Variants in CNTN4 observed in about 807,000 individuals in gnomAD.
CNTN4 encodes the protein contactin 4, also known as contactin-4.
CNTN4 carries 77 observed loss-of-function variants against 122.5 expected under a neutral mutation model. That is an observed-to-expected ratio of 0.63 (90% CI 0.52 to 0.76). The LOEUF is 0.76. CNTN4 is among the 30% of genes least tolerant of loss of function. CNTN4 has a pLI of 0.00. For synonymous variants in CNTN4, 512 were observed against 447.0 expected, an observed-to-expected ratio of 1.15 and a Z score of -1.83; for missense variants, 1,256 against 1,259.1, an observed-to-expected ratio of 1.00 and a Z score of 0.04.
At chr3:2,199,400 G>T (rs148275173) in intron 2 of CNTN4, among the ~76,000 whole-genome samples, 1 of 151,608 alleles carries the variant, frequency 6.6e-6, no homozygotes, top group Non-Finnish European at 1.5e-5. Flanking sequence ...AGATCCCTCC[G>T]TACCTTCTCT....
intron 4 of CNTN4, among the ~76,000 whole-genome samples, chr3:2,649,199 A>G (rs912090730): frequency 6.6e-6 from 1 of 152,208 alleles, no homozygotes; most frequent in Non-Finnish European, 1.5e-5. Flanking sequence ...AGATCTAGCT[A>G]AGATAATTAA....
chr3:3,005,961 C>A (rs190522509), intron 14 of CNTN4, among the ~76,000 whole-genome samples: 1 of 151,272 alleles, frequency 6.6e-6, no homozygotes, highest in East Asian at 1.9e-4. Flanking sequence ...TCTCGGCTCA[C>A]TGCCAGCTCT....
rs569113861 is a variant in CNTN4 at position 2,309,514 on chromosome 3, T to C, written c.-144-29664T>C. Among the ~76,000 whole-genome samples, 19 of 152,268 alleles carry C rather than the reference T, an allele frequency of 1.2e-4. No homozygotes were observed. In the East Asian group the frequency reaches 3.7e-3, roughly 29 times the overall value. ...TCCTACTTGTTTTTTATATGACTTA[T>C]TTCTTTTTGTTTGCGACTCTTGTTT... On this transcript the variant is annotated intron_variant, in intron 2 of 24. Coordinates refer to ENST00000418658, the MANE Select transcript of CNTN4 (RefSeq NM_175607.3).
intron 13 of CNTN4, among the ~76,000 whole-genome samples, chr3:2,970,020 A>G (rs1211269437): frequency 6.6e-6 from 1 of 152,164 alleles, no homozygotes; most frequent in Admixed American, 6.5e-5. Flanking sequence ...CACAGAAAGA[A>G]ATTCACATAT....
chr3:2,298,021 C>T (rs138359899), intron 2 of CNTN4, among the ~76,000 whole-genome samples: 305 of 152,262 alleles, frequency 2.0e-3, no homozygotes, highest in African/African-American at 7.0e-3. Flanking sequence ...TGTGAGCCAG[C>T]GTGCCTGGTC....
At chr3:2,952,219 T>C (rs2094753035) in intron 13 of CNTN4, among the ~76,000 whole-genome samples, 1 of 152,226 alleles carries the variant, frequency 6.6e-6, no homozygotes, top group African/African-American at 2.4e-5. Flanking sequence ...GTTTCTAGGA[T>C]ATAGTTGGAA....
At position 2,873,882 on chromosome 3, in the gene CNTN4, T is replaced by C. The variant is rs147671581; in HGVS notation, c.652+6933T>C. 8.3e-3 allele frequency among the ~76,000 whole-genome samples: 1,258 copies of C among 152,310 alleles called. 19 individuals are homozygous for C. The highest frequency in any genetic ancestry group is 0.027 in the African/African-American group (1,132 of 41,564). ...TTTTATATTATTTAAGATCTAGAGT[T>C]TATACCAAAACACTGCTTTATTTTA... On this transcript the variant is annotated intron_variant, in intron 8 of 24. Transcript: ENST00000418658.
intron 13 of CNTN4, among the ~76,000 whole-genome samples, chr3:2,981,183 G>T (rs969362310): frequency 6.6e-6 from 1 of 152,164 alleles, no homozygotes; most frequent in Non-Finnish European, 1.5e-5. Context: ...GGTGGCTCAC[G>T]CCTGTAGTAC....
intron 3 of CNTN4, among the ~76,000 whole-genome samples, chr3:2,422,767 C>A (rs529528046): frequency 6.6e-6 from 1 of 152,204 alleles, no homozygotes; most frequent in Admixed American, 6.6e-5. Context: ...TGCTGATATT[C>A]TGTTTCCCCT....
chr3:2,230,113 T>C (rs2039429081), intron 2 of CNTN4, among the ~76,000 whole-genome samples: 1 of 152,200 alleles, frequency 6.6e-6, no homozygotes, highest in Non-Finnish European at 1.5e-5. Flanking sequence ...TTCTGAGCAA[T>C]CCCAGCTGTG....
intron 7 of CNTN4, among the ~76,000 whole-genome samples, chr3:2,849,771 G>A (rs999464903): frequency 6.6e-6 from 1 of 152,184 alleles, no homozygotes; most frequent in Non-Finnish European, 1.5e-5. Flanking sequence ...CCTATGGCCA[G>A]CCAGGCAGGT....
At chr3:2,776,854 C>CA (rs1254638211) in intron 6 of CNTN4, among the ~76,000 whole-genome samples, 8 of 152,158 alleles carry the variant, frequency 5.3e-5, no homozygotes, top group African/African-American at 1.9e-4. Flanking sequence ...CCCCTTCATT[C>CA]AAACATCTTA....
chr3:2,401,801 G>T (rs1001602645), intron 3 of CNTN4, among the ~76,000 whole-genome samples: 1 of 152,126 alleles, frequency 6.6e-6, no homozygotes, highest in African/African-American at 2.4e-5. Context: ...TTCACCACAC[G>T]AGTGTGGCTG....
chr3:2,393,071 G>A (rs1034890759), intron 3 of CNTN4, among the ~76,000 whole-genome samples: 3 of 152,150 alleles, frequency 2.0e-5, no homozygotes, highest in Non-Finnish European at 4.4e-5. Context: ...ACTTCTGAGA[G>A]CTGTGAGCCA....
intron 14 of CNTN4, among the ~76,000 whole-genome samples, chr3:3,003,684 C>CAAAAA (rs58290160): frequency 4.3e-4 from 33 of 76,978 alleles, no homozygotes; most frequent in African/African-American, 9.7e-4. Flanking sequence ...ATGGTTGCAC[C>CAAAAA]AAAAAAAAAA....
At chr3:2,451,332 G>A (rs1156890864) in intron 3 of CNTN4, among the ~76,000 whole-genome samples, 1 of 151,458 alleles carries the variant, frequency 6.6e-6, no homozygotes, top group East Asian at 1.9e-4. Context: ...GTCTTTTGTA[G>A]GATTATACAA....
intron 2 of CNTN4, among the ~76,000 whole-genome samples, chr3:2,167,674 A>G (rs571062693): frequency 1.3e-5 from 2 of 152,358 alleles, no homozygotes; most frequent in South Asian, 4.1e-4. Flanking sequence ...TTACCTTGTC[A>G]TTTAATAACA....
chr3:2,297,422 TAA>T (rs1259974083), intron 2 of CNTN4, among the ~76,000 whole-genome samples: 1 of 152,178 alleles, frequency 6.6e-6, no homozygotes, highest in Non-Finnish European at 1.5e-5. Context: ...AAGATTGTGT[TAA>T]GAGGTTATGT....
chr3:2,356,548 A>C (rs940335367), intron 3 of CNTN4, among the ~76,000 whole-genome samples: 1 of 152,308 alleles, frequency 6.6e-6, no homozygotes, highest in East Asian at 1.9e-4. Context: ...TCTCTTCACT[A>C]TCTTGGTTTT....
Sources: allele counts gnomAD v4.1 joint callset (sites outside exome capture counted in the v4.1 genomes callset), GRCh38; gene constraint gnomAD v4.1.1; transcripts MANE v1.5; gene names NCBI Gene and HGNC (gene_info 2026-07-23, HGNC 2026-07-21).